The following COL5A2 variants were observed in gnomAD, a reference collection of about 807,000 sequenced individuals.
COL5A2 encodes the protein collagen type V alpha 2 chain, also known as collagen alpha-2(V) chain.
A neutral mutation model predicts 208.2 loss-of-function variants in COL5A2; 23 were observed. The observed-to-expected ratio is 0.11, with a 90% CI of 0.08 to 0.16. The LOEUF (loss-of-function observed/expected upper bound fraction) is 0.16. Among genes scored for constraint, COL5A2 ranks in the 10% least tolerant of loss-of-function variants. The probability of loss-of-function intolerance (pLI) is 1.00; values close to 1 mark genes in which losing one functional copy is unlikely to be tolerated. For synonymous variants in COL5A2, 625 were observed against 628.5 expected (o/e 0.99, Z 0.08); for missense variants, 1,590 against 1,956.4 (o/e 0.81, Z 3.53).
the COL5A2 span, among the ~76,000 whole-genome samples, chr2:189,385,385 T>C: frequency 6.6e-6 from 1 of 151,662 alleles, no homozygotes; most frequent in African/African-American, 2.4e-5. Context: ...AAAAGACACG[T>C]ACAAAAAAAC....
At chr2:189,355,625 T>C in the COL5A2 span, among the ~76,000 whole-genome samples, 22 of 152,190 alleles carry the variant, frequency 1.4e-4, no homozygotes, top group South Asian at 8.3e-4. Context: ...TGGTTTCCAT[T>C]TGCTTGTTAA....
chr2:189,420,956 T>C, the COL5A2 span, among the ~76,000 whole-genome samples: 4 of 152,104 alleles, frequency 2.6e-5, no homozygotes, highest in Non-Finnish European at 4.4e-5. Context: ...TTGTCTTTAA[T>C]TTAAATATAT....
chr2:189,036,506 T>C (rs1685446478), intron 52 of COL5A2, 110 bp downstream of exon 52: 1 of 847,302 alleles, frequency 1.2e-6, no homozygotes, highest in Non-Finnish European at 1.8e-6. Context: ...AAAATAAACA[T>C]GGTAAAATAA....
chr2:189,403,666 T>C, the COL5A2 span, among the ~76,000 whole-genome samples: 91 of 152,338 alleles, frequency 6.0e-4, 2 homozygotes, highest in Non-Finnish European at 1.0e-3. Context: ...CTGCATCTAT[T>C]GAGATAATCA....
chr2:189,245,851 C>A, the COL5A2 span, among the ~76,000 whole-genome samples: 1 of 152,128 alleles, frequency 6.6e-6, no homozygotes, highest in East Asian at 1.9e-4. Flanking sequence ...AACTGTGTTT[C>A]TTCTATTGAT....
At chr2:189,355,806 T>C in the COL5A2 span, among the ~76,000 whole-genome samples, 64 of 152,342 alleles carry the variant, frequency 4.2e-4, no homozygotes, top group African/African-American at 1.5e-3. Context: ...TGTGTGAATC[T>C]GATCCTGTCA....
At chr2:189,400,311 CAT>C in the COL5A2 span, among the ~76,000 whole-genome samples, 1 of 152,180 alleles carries the variant, frequency 6.6e-6, no homozygotes, top group Non-Finnish European at 1.5e-5. Context: ...TTCAACTACA[CAT>C]ATGTCAGACC....
At chr2:189,358,809 T>C in the COL5A2 span, among the ~76,000 whole-genome samples, 11 of 152,164 alleles carry the variant, frequency 7.2e-5, no homozygotes, top group African/African-American at 2.7e-4. Context: ...ATTAAATTTA[T>C]TCCTAGGTAC....
Position 189,110,314 on chromosome 2 carries a change from T to G in COL5A2, c.233A>C (p.Asp78Ala). The change falls in exon 2 of 54, where the codon GAT becomes GCT. Residue 78 changes from aspartate (D) to alanine (A), a missense_variant. Asp to Ala is a moderately radical substitution (Grantham distance 126). Transcript: ENST00000374866. The stretch of plus-strand genomic sequence containing the variant: ...TACAGGGTCGGCACAGTCCAGCACA[T>G]CCTGGCATTCTATCTTGTCACAGAG... ...AILCDKIECQ[D>A]VLDCADPVTP... The G allele has an allele frequency of 6.2e-7, 1 of 1,614,156 alleles. No homozygotes were observed. The highest frequency in any genetic ancestry group is 8.5e-7 in the Non-Finnish European group (1 of 1,180,022).
rs1308734623 is a variant in COL5A2, at chr2:189,039,556, G to T, written c.3641C>A (p.Pro1214His). Residue 1214 changes from proline to histidine, a missense_variant, in exon 51 of 54, where the codon CCT (proline) becomes CAT (histidine). Transcript: ENST00000374866. The part of the protein sequence containing the change: ...SVGEAGPEGP[P>H]GEPGPPGPPG... ...AGGGCCAGGTGGGCCAGGCTCACCA[G>T]GAGGGCCCTAATTAAAAAGAGATTG... 1.9e-6 allele frequency: 3 copies of T among 1,613,322 alleles called. No individual in the cohort carries two copies. The highest frequency in any genetic ancestry group is 1.7e-6 in the Non-Finnish European group (2 of 1,179,938).
the COL5A2 span, among the ~76,000 whole-genome samples, chr2:189,243,539 C>T: frequency 1.3e-5 from 2 of 152,140 alleles, no homozygotes; most frequent in East Asian, 1.9e-4. Context: ...AAAGACCCAC[C>T]CCTATGATTC....
the COL5A2 span, among the ~76,000 whole-genome samples, chr2:189,310,401 A>G: frequency 6.6e-6 from 1 of 152,246 alleles, no homozygotes; most frequent in African/African-American, 2.4e-5. Context: ...AAAATGGCTT[A>G]TATCCAAAAG....
chr2:189,181,472 A>G (rs555237751), upstream of COL5A2, among the ~76,000 whole-genome samples: 4 of 152,310 alleles, frequency 2.6e-5, no homozygotes, highest in South Asian at 8.3e-4. Flanking sequence ...ATCTGACTAT[A>G]TATTCAAAGA....
chr2:189,039,532 G>A lies in COL5A2; in HGVS notation c.3665C>T (p.Pro1222Leu), dbSNP rs866393250. 6.2e-7 allele frequency: 1 copy of A among 1,613,848 alleles called. No homozygotes were observed. Among genetic ancestry groups the A allele is most frequent in the Non-Finnish European group, 8.5e-7 (1 of 1,179,996 alleles). Residue 1222 changes from proline to leucine, a missense_variant, in exon 51 of 54, where the codon CCT (proline) becomes CTT (leucine). Coordinates refer to ENST00000374866, the MANE Select transcript of COL5A2 (RefSeq NM_000393.5). ...TGTAAGGTGGCCAGGGGGACCCGGA[G>A]GGCCAGGTGGGCCAGGCTCACCAGG... ...GPPGEPGPPG[P>L]PGPPGHLTAA...
At chr2:189,207,312 A>G (rs1689154548) in intron 1 of COL5A2, among the ~76,000 whole-genome samples, 1 of 152,192 alleles carries the variant, frequency 6.6e-6, no homozygotes, top group Non-Finnish European at 1.5e-5. Context: ...TAAACAAAAT[A>G]TTTTTGTATC....
At chr2:189,247,630 A>G in the COL5A2 span, among the ~76,000 whole-genome samples, 1 of 147,414 alleles carries the variant, frequency 6.8e-6, no homozygotes, top group Non-Finnish European at 1.5e-5. Flanking sequence ...GCCCAGCTGG[A>G]GTGCAATGGC....
chr2:189,308,786 G>A, the COL5A2 span, among the ~76,000 whole-genome samples: 1 of 152,134 alleles, frequency 6.6e-6, no homozygotes, highest in African/African-American at 2.4e-5. Context: ...AGGGCTTCAA[G>A]TTGTCCTACC....
intron 1 of COL5A2, among the ~76,000 whole-genome samples, chr2:189,157,133 T>TATAGATATATCGATATATCG (rs1248443342): frequency 3.6e-5 from 3 of 82,822 alleles, no homozygotes; most frequent in East Asian, 5.6e-4. Flanking sequence ...TCTATCTATA[T>TATAGATATATCGATATATCG]ATATATCTAT....
In COL5A2 at chr2:189,033,724, A is replaced by G. The variant is rs1022229928; in HGVS notation, c.*346T>C. 11 of 312,652 alleles carry G rather than the reference A, an allele frequency of 3.5e-5. No homozygotes were observed. Among genetic ancestry groups the G allele is most frequent in the Admixed American group, 2.7e-4 (6 of 22,418 alleles). 19.4% of individuals were successfully genotyped at this position (312,652 alleles called of 1,614,324 possible). ...ACCTGCCAGGAAGAAGAATTTCCTCATAAATACTAAGCAACTTTTTCATTA... is the reference window on the plus strand; with the variant it reads ...ACCTGCCAGGAAGAAGAATTTCCTCGTAAATACTAAGCAACTTTTTCATTA... On this transcript the variant is annotated 3_prime_UTR_variant, in exon 54 of 54. Coordinates refer to ENST00000374866, the MANE Select transcript of COL5A2 (RefSeq NM_000393.5).
Sources: gnomAD v4.1 joint callset for allele counts (sites outside exome capture counted in the v4.1 genomes callset) on GRCh38, gnomAD v4.1.1 for gene constraint, MANE v1.5 for transcripts, NCBI Gene and HGNC (gene_info 2026-07-23, HGNC 2026-07-21) for gene names.